The following CNTLN variants were observed in gnomAD, a reference collection of about 807,000 sequenced individuals.
The protein encoded by CNTLN is centlein, centrosomal protein.
CNTLN carries 212 observed loss-of-function variants against 180.0 expected under a neutral mutation model. That is an observed-to-expected ratio of 1.18 (90% CI 1.05 to 1.32). CNTLN has a LOEUF of 1.32. Among genes scored for constraint, CNTLN ranks in the 40% most tolerant of loss-of-function variants. The probability of loss-of-function intolerance (pLI) is 0.00; values close to 1 mark genes in which losing one functional copy is unlikely to be tolerated. For synonymous variants in CNTLN, 722 were observed against 563.1 expected (o/e 1.28, Z -3.99); for missense variants, 2,095 against 1,610.9 (o/e 1.30, Z -5.14).
intron 2 of CNTLN, among the ~76,000 whole-genome samples, chr9:17,181,553 C>A (rs888315916): frequency 5.3e-5 from 8 of 152,160 alleles, no homozygotes; most frequent in African/African-American, 1.9e-4. Flanking sequence ...GTTAACAATT[C>A]AAGATATTCC....
chr9:17,308,890 TA>T (rs1186034357), intron 7 of CNTLN, among the ~76,000 whole-genome samples, 167 bp from the exon 8 acceptor site: 2 of 40,748 alleles, frequency 4.9e-5, no homozygotes, highest in East Asian at 3.9e-4. Context: ...ATAAATTAGT[TA>T]TTTTTTGTGT....
chr9:17,237,329 G>A (rs1825209383), intron 5 of CNTLN, among the ~76,000 whole-genome samples: 1 of 137,716 alleles, frequency 7.3e-6, no homozygotes, highest in Admixed American at 7.5e-5. Context: ...TAGTAAATAT[G>A]GTGGTCTCTC....
intron 15 of CNTLN, among the ~76,000 whole-genome samples, chr9:17,406,329 A>G (rs1268567419): frequency 6.6e-6 from 1 of 151,666 alleles, no homozygotes; most frequent in African/African-American, 2.4e-5. Context: ...AACTTTCCTA[A>G]CCACCCTCCC....
At chr9:17,352,817 C>T (rs775661337) in intron 12 of CNTLN, among the ~76,000 whole-genome samples, 1 of 152,158 alleles carries the variant, frequency 6.6e-6, no homozygotes, top group Non-Finnish European at 1.5e-5. Context: ...CAATATGTGA[C>T]CTTTGTGTCT....
intron 8 of CNTLN, among the ~76,000 whole-genome samples, chr9:17,317,576 C>T (rs1160211775): frequency 2.6e-5 from 4 of 151,876 alleles, no homozygotes; most frequent in Admixed American, 6.6e-5. Flanking sequence ...ACATGACACA[C>T]GGTAATAAGT....
At chr9:17,371,772 GACA>G (rs1473488644) in intron 13 of CNTLN, among the ~76,000 whole-genome samples, 21 of 152,148 alleles carry the variant, frequency 1.4e-4, no homozygotes. Context: ...CATCTTACCT[GACA>G]ACAATGGAAT....
intron 8 of CNTLN, among the ~76,000 whole-genome samples, chr9:17,320,320 T>C (rs1033906832): frequency 6.6e-5 from 10 of 152,212 alleles, no homozygotes; most frequent in African/African-American, 1.9e-4. Flanking sequence ...ATAAATGTAA[T>C]GTCTGTATAC....
rs774854028 is a variant in CNTLN, at chr9:17,164,311, C to CAA, written c.449+20953_449+20954dup. 8.0e-4 allele frequency among the ~76,000 whole-genome samples: 41 copies of CAA among 51,510 alleles called. 1 individual carries two copies. The highest frequency in any genetic ancestry group is 3.1e-3 in the South Asian group (4 of 1,298). 33.8% of individuals were successfully genotyped at this position (51,510 alleles called of 152,430 possible). A position where few individuals can be genotyped will look rare whatever the true frequency, so the allele number is the denominator to read the frequency against. ...TGGGCAGCAGAGTGAGACTCTGTCTCAAAAAAAAAAAAAAAAAAAGTTGAT... is the reference window on the plus strand; with the variant it reads ...TGGGCAGCAGAGTGAGACTCTGTCTCAAAAAAAAAAAAAAAAAAAAAGTTGAT... On this transcript the variant is annotated intron_variant, in intron 2 of 25. Transcript: ENST00000380647.
intron 12 of CNTLN, among the ~76,000 whole-genome samples, chr9:17,346,783 G>A (rs897041534): frequency 2.0e-5 from 3 of 152,082 alleles, no homozygotes; most frequent in African/African-American, 7.2e-5. Flanking sequence ...GGAAATTTTT[G>A]TCATTATTTC....
intron 2 of CNTLN, among the ~76,000 whole-genome samples, chr9:17,211,239 G>A (rs970575202): frequency 8.5e-5 from 13 of 152,202 alleles, no homozygotes; most frequent in Non-Finnish European, 1.8e-4. Context: ...AGTACAAGGT[G>A]TAAGGAAGGG....
chr9:17,293,063 C>G (rs1025450494), intron 6 of CNTLN, among the ~76,000 whole-genome samples: 2 of 152,162 alleles, frequency 1.3e-5, no homozygotes, highest in African/African-American at 4.8e-5. Context: ...CACTCCAGAC[C>G]CTATTCACTT....
intron 15 of CNTLN, among the ~76,000 whole-genome samples, chr9:17,400,246 T>C (rs1180991283): frequency 6.6e-6 from 1 of 152,162 alleles, no homozygotes; most frequent in Non-Finnish European, 1.5e-5. Context: ...CAAGCGATTC[T>C]CCTGCCTCAG....
chr9:17,167,188 A>T (rs1820129957), intron 2 of CNTLN: 1 of 179,844 alleles, frequency 5.6e-6, no homozygotes, highest in South Asian at 1.2e-4. Context: ...TCTCTCCATT[A>T]CATTAATTAA....
rs747599049 is a variant in CNTLN at position 17,273,775 on chromosome 9, G to A, written c.892G>A (p.Val298Ile). 5 of 1,553,196 alleles carry A rather than the reference G, an allele frequency of 3.2e-6. No homozygotes were observed. In the African/African-American group the frequency reaches 5.6e-5, roughly 17 times the overall value. The change falls in exon 6 of 26, where the codon GTA becomes ATA. Residue 298 changes from valine to isoleucine, a missense_variant. Physicochemically the swap from Val to Ile is conservative, Grantham distance 29. Transcript: ENST00000380647. ...NLIEARKEVE[V>I]SQSKYNALSL... The stretch of plus-strand genomic sequence containing the variant: ...AATTGAAGCAAGGAAAGAAGTTGAA[G>A]TATCACAGAGTAAATACAATGCTCT...
intron 8 of CNTLN, among the ~76,000 whole-genome samples, chr9:17,318,504 G>T (rs1171593047): frequency 6.6e-6 from 1 of 152,178 alleles, no homozygotes; most frequent in Non-Finnish European, 1.5e-5. Context: ...ATAATTCAAA[G>T]TTAGAATGCA....
At position 17,236,389 on chromosome 9, in the gene CNTLN, C is replaced by T; in HGVS notation, c.670-20C>T. 1 of 1,541,474 alleles carries T rather than the reference C, an allele frequency of 6.5e-7. No individual in the cohort carries two copies. Among genetic ancestry groups the T allele is most frequent in the Non-Finnish European group, 8.7e-7 (1 of 1,150,108 alleles). ...TTTCGTTTTGTTTTATTTATTTGCC[C>T]TTGTGGTACTGTTCTACAGGACACT... On this transcript the variant is annotated intron_variant, in intron 4 of 25. Transcript: ENST00000380647.
At chr9:17,269,809 A>G (rs757776717) in intron 5 of CNTLN, among the ~76,000 whole-genome samples, 3 of 152,060 alleles carry the variant, frequency 2.0e-5, no homozygotes, top group Non-Finnish European at 2.9e-5. Context: ...CTATTTCATT[A>G]TTTTGGTTCT....
intron 8 of CNTLN, among the ~76,000 whole-genome samples, chr9:17,314,802 G>C (rs554531439): frequency 6.6e-6 from 1 of 152,112 alleles, no homozygotes; most frequent in Non-Finnish European, 1.5e-5. Flanking sequence ...AATTTGCTTG[G>C]AGTTTAAATG....
At chr9:17,374,801 A>G (rs1824616465) in intron 13 of CNTLN, among the ~76,000 whole-genome samples, 3 of 151,826 alleles carry the variant, frequency 2.0e-5, no homozygotes, top group Admixed American at 6.6e-5. Context: ...TGGAGGTTTC[A>G]GTGAGCCGAG....
Sources: gnomAD v4.1 joint callset for allele counts (sites outside exome capture counted in the v4.1 genomes callset) on GRCh38, gnomAD v4.1.1 for gene constraint, MANE v1.5 for transcripts, NCBI Gene and HGNC (gene_info 2026-07-23, HGNC 2026-07-21) for gene names.